The following C1QTNF3 variants were observed in gnomAD, a reference collection of about 807,000 sequenced individuals.
C1QTNF3 encodes complement C1q tumor necrosis factor-related protein 3.
C1QTNF3 carries 26 observed loss-of-function variants against 32.6 expected under a neutral mutation model. That is an observed-to-expected ratio of 0.80 (90% confidence interval 0.58 to 1.11). The LOEUF (loss-of-function observed/expected upper bound fraction) is 1.11. Among genes scored for constraint, C1QTNF3 ranks in the 50% least tolerant of loss-of-function variants. The pLI is 0.00. For missense variants in C1QTNF3, 362 were observed against 398.2 expected (o/e 0.91, Z 0.77); for synonymous variants, 155 against 146.0 (o/e 1.06, Z -0.44).
chr5:34,080,848 T>C, the C1QTNF3 span, among the ~76,000 whole-genome samples: 6 of 151,742 alleles, frequency 4.0e-5, no homozygotes, highest in South Asian at 8.3e-4. Flanking sequence ...GTGTGGACAA[T>C]TGACACCATC....
chr5:34,036,469 C>T (rs1754742678), intron 1 of C1QTNF3, among the ~76,000 whole-genome samples: 1 of 152,088 alleles, frequency 6.6e-6, no homozygotes, highest in Non-Finnish European at 1.5e-5. Context: ...TATGTGTTGT[C>T]TCATATACTG....
At chr5:34,034,341 A>G (rs2112113974) in intron 2 of C1QTNF3, among the ~76,000 whole-genome samples, 1 of 152,326 alleles carries the variant, frequency 6.6e-6, no homozygotes, top group East Asian at 1.9e-4. Flanking sequence ...GTCATTCTGT[A>G]TATTTTTCTG....
the C1QTNF3 span, among the ~76,000 whole-genome samples, chr5:34,153,983 A>T: frequency 6.6e-6 from 1 of 151,850 alleles, no homozygotes; most frequent in African/African-American, 2.4e-5. Context: ...ATTAGATAGT[A>T]TAGATTAATC....
At chr5:34,083,392 A>G in the C1QTNF3 span, among the ~76,000 whole-genome samples, 1 of 151,674 alleles carries the variant, frequency 6.6e-6, no homozygotes, top group African/African-American at 2.4e-5. Flanking sequence ...GTAAGACAGG[A>G]GCTATGATAA....
chr5:34,114,997 T>C, the C1QTNF3 span, among the ~76,000 whole-genome samples: 1 of 152,198 alleles, frequency 6.6e-6, no homozygotes, highest in South Asian at 2.1e-4. Flanking sequence ...TAAAAAAATT[T>C]ATTCAATAAT....
the C1QTNF3 span, among the ~76,000 whole-genome samples, chr5:34,141,043 GACTT>G: frequency 6.6e-6 from 1 of 152,184 alleles, no homozygotes; most frequent in South Asian, 2.1e-4. Flanking sequence ...GAAGTGAGTG[GACTT>G]AATAACAGAA....
chr5:34,171,058 T>A, the C1QTNF3 span, among the ~76,000 whole-genome samples: 1 of 152,130 alleles, frequency 6.6e-6, no homozygotes, highest in Non-Finnish European at 1.5e-5. Flanking sequence ...CACACACTGC[T>A]GTGACAGCCC....
chr5:34,113,555 TCTAA>T, the C1QTNF3 span, among the ~76,000 whole-genome samples: 18 of 152,260 alleles, frequency 1.2e-4, no homozygotes, highest in African/African-American at 3.4e-4. Flanking sequence ...CCAAAAGCAT[TCTAA>T]CTATTTATTA....
chr5:34,146,858 T>C, the C1QTNF3 span, among the ~76,000 whole-genome samples: 1 of 152,124 alleles, frequency 6.6e-6, no homozygotes, highest in African/African-American at 2.4e-5. Flanking sequence ...AAATAAACTA[T>C]TTACAAAGTA....
At chr5:34,228,060 C>G in the C1QTNF3 span, among the ~76,000 whole-genome samples, 1 of 149,884 alleles carries the variant, frequency 6.7e-6, no homozygotes, top group Non-Finnish European at 1.5e-5. Context: ...TTTTTATTAA[C>G]TAACATGGAA....
chr5:34,228,881 A>C, the C1QTNF3 span, among the ~76,000 whole-genome samples: 1 of 150,918 alleles, frequency 6.6e-6, no homozygotes, highest in Non-Finnish European at 1.5e-5. Context: ...AGCTGGCCGT[A>C]ATTTGTTCAC....
the C1QTNF3 span, among the ~76,000 whole-genome samples, chr5:34,119,496 T>C: frequency 6.6e-6 from 1 of 152,164 alleles, no homozygotes; most frequent in Non-Finnish European, 1.5e-5. Flanking sequence ...ACTGTATTGT[T>C]TTCTATTGCA....
intron 5 of C1QTNF3, 53 bp from the exon 6 acceptor site, chr5:34,020,795 T>C: frequency 6.4e-7 from 1 of 1,567,238 alleles, no homozygotes; most frequent in Non-Finnish European, 8.7e-7. Flanking sequence ...AACAACCAGC[T>C]CTTCACCAAA....
chr5:34,165,034 G>A, the C1QTNF3 span: 4 of 152,068 alleles, frequency 2.6e-5, no homozygotes, highest in African/African-American at 9.7e-5. Context: ...CAATTGGTCA[G>A]GGGTATGGAT....
chr5:34,200,905 C>CTA, the C1QTNF3 span: 2 of 151,840 alleles, frequency 1.3e-5, no homozygotes, highest in Non-Finnish European at 2.9e-5. Context: ...CTTGGGATGA[C>CTA]TTATAAACAC....
chr5:34,198,533 G>A, the C1QTNF3 span, among the ~76,000 whole-genome samples: 1 of 44,166 alleles, frequency 2.3e-5, no homozygotes, highest in Non-Finnish European at 4.3e-5. Flanking sequence ...GAGAGAAAGA[G>A]AGAGAAACAC....
the C1QTNF3 span, among the ~76,000 whole-genome samples, chr5:34,102,371 T>C: frequency 2.0e-5 from 3 of 152,092 alleles, no homozygotes; most frequent in South Asian, 6.2e-4. Context: ...CTTAGCAAAT[T>C]TGATTTGTTT....
Position 34,017,877 on chromosome 5 carries a change from A to AT in C1QTNF3, c.*2705dup, listed in dbSNP as rs1754232369. On this transcript the variant is annotated 3_prime_UTR_variant, in exon 6 of 6. Coordinates refer to ENST00000382065, the MANE Select transcript of C1QTNF3 (RefSeq NM_181435.6). ...AAATAATTATATGCACACATAGTTT[A>AT]TTTTTTTAAAAAGAGAATGCTCATG... Among the ~76,000 whole-genome samples the AT allele has an allele frequency of 6.6e-6, 1 of 151,678 alleles. No individual in the cohort carries two copies. Among genetic ancestry groups the AT allele is most frequent in the South Asian group, 2.1e-4 (1 of 4,808 alleles).
the C1QTNF3 span, among the ~76,000 whole-genome samples, chr5:34,171,594 C>T: frequency 6.6e-6 from 1 of 152,112 alleles, no homozygotes; most frequent in Non-Finnish European, 1.5e-5. Flanking sequence ...AGGAGACAGT[C>T]ATTTAGGAAG....
Sources: gnomAD v4.1 joint callset for allele counts (sites outside exome capture counted in the v4.1 genomes callset) on GRCh38, gnomAD v4.1.1 for gene constraint, MANE v1.5 for transcripts, NCBI Gene and HGNC (gene_info 2026-07-23, HGNC 2026-07-21) for gene names.